Variants in DTNA observed in about 807,000 individuals in gnomAD.
DTNA encodes the protein dystrobrevin alpha.
DTNA carries 43 observed loss-of-function variants against 100.7 expected under a neutral mutation model. The ratio of observed to expected loss-of-function variants is 0.43; its 90% CI spans 0.33 to 0.55. The LOEUF is 0.55. DTNA is among the 20% of genes least tolerant of loss of function. DTNA has a pLI of 0.04. For synonymous variants in DTNA, 349 were observed against 347.9 expected (o/e 1.00, Z -0.04); for missense variants, 798 against 953.9 (o/e 0.84, Z 2.15).
rs1294206873 is a variant in DTNA at position 34,890,254 on chromosome 18, C to T, written c.*2520C>T. 5 of 1,518,656 alleles carry T rather than the reference C, an allele frequency of 3.3e-6. No homozygotes were observed. Among genetic ancestry groups the T allele is most frequent in the Non-Finnish European group, 3.5e-6 (4 of 1,136,976 alleles). The allele number at this position is 1,518,656 out of a possible 1,614,324, so 94.1% of individuals were successfully genotyped here. On this transcript the variant is annotated 3_prime_UTR_variant, in exon 23 of 23. Transcript: ENST00000444659. ...ATTGCAAGGACTCTGGAAACTGCCG[C>T]CAATGACCAATTTCTGACTAACCAG...
intron 1 of DTNA, among the ~76,000 whole-genome samples, chr18:34,496,705 A>G (rs1390766240): frequency 6.6e-6 from 1 of 152,214 alleles, no homozygotes. Context: ...GATTACTTGT[A>G]AGTTGAGCTA....
At chr18:34,675,325 A>G (rs191395092) in intron 1 of DTNA, among the ~76,000 whole-genome samples, 2 of 152,174 alleles carry the variant, frequency 1.3e-5, no homozygotes, top group Admixed American at 6.6e-5. Flanking sequence ...CCACTGGACA[A>G]AAGTCATACC....
At chr18:34,818,570 G>T in intron 8 of DTNA, 3 of 1,378,946 alleles carry the variant, frequency 2.2e-6, no homozygotes, top group Non-Finnish European at 2.8e-6. Context: ...GTTACTTCTT[G>T]GAATATAGAT....
chr18:34,685,061 T>C (rs1374277012), intron 1 of DTNA, among the ~76,000 whole-genome samples: 2 of 152,224 alleles, frequency 1.3e-5, no homozygotes, highest in African/African-American at 4.8e-5. Context: ...GTCAGATGGA[T>C]AGATTGCAAA....
chr18:34,535,106 C>T (rs796081133), intron 1 of DTNA, among the ~76,000 whole-genome samples: 27 of 152,270 alleles, frequency 1.8e-4, no homozygotes, highest in African/African-American at 6.5e-4. Context: ...TACACTCCCA[C>T]CAACAGTGTA....
intron 1 of DTNA, among the ~76,000 whole-genome samples, chr18:34,702,585 C>G (rs1464496490): frequency 1.3e-5 from 2 of 152,148 alleles, no homozygotes; most frequent in African/African-American, 4.8e-5. Flanking sequence ...ATCCCCACGT[C>G]CAGAACCTCA....
chr18:34,508,347 A>G (rs1235951227), intron 1 of DTNA, among the ~76,000 whole-genome samples: 1 of 152,078 alleles, frequency 6.6e-6, no homozygotes, highest in East Asian at 1.9e-4. Flanking sequence ...CAAATTAATC[A>G]TTGTCATTAC....
chr18:34,664,767 A>G (rs1203258929), intron 1 of DTNA, among the ~76,000 whole-genome samples: 1 of 152,138 alleles, frequency 6.6e-6, no homozygotes, highest in Non-Finnish European at 1.5e-5. Context: ...GAATTTATAA[A>G]TAAATATTTT....
Position 34,832,270 on chromosome 18 carries a change from A to G in DTNA, c.1175+2781A>G, listed in dbSNP as rs372453457. Among the ~76,000 whole-genome samples the G allele has an allele frequency of 5.3e-5, 8 of 152,332 alleles. No homozygotes were observed. In the East Asian group the frequency reaches 5.8e-4, roughly 11 times the overall value. ...TTTTCAAACTTTCTGGGCATGTTGT[A>G]TGAAATTTTATGAAGTTGAAATAAT... On this transcript the variant is annotated intron_variant, in intron 11 of 22. Coordinates refer to ENST00000444659, the MANE Select transcript of DTNA (RefSeq NM_001386795.1).
intron 15 of DTNA, among the ~76,000 whole-genome samples, chr18:34,857,378 C>T (rs975847225): frequency 3.3e-5 from 5 of 152,186 alleles, no homozygotes; most frequent in South Asian, 2.1e-4. Flanking sequence ...TGCTTTGCTC[C>T]GTCTTACTGG....
At chr18:34,547,303 T>G (rs752556510) in intron 1 of DTNA, among the ~76,000 whole-genome samples, 2 of 152,108 alleles carry the variant, frequency 1.3e-5, no homozygotes, top group African/African-American at 2.4e-5. Flanking sequence ...TTTCTAACTC[T>G]TTATGCCAGG....
At chr18:34,590,466 G>A (rs538526889) in intron 1 of DTNA, among the ~76,000 whole-genome samples, 6 of 152,206 alleles carry the variant, frequency 3.9e-5, no homozygotes, top group African/African-American at 1.4e-4. Context: ...ATTTATTAGG[G>A]AGGAAAAAAA....
chr18:34,659,458 T>C (rs1420372505), intron 1 of DTNA, among the ~76,000 whole-genome samples: 1 of 152,188 alleles, frequency 6.6e-6, no homozygotes, highest in African/African-American at 2.4e-5. Flanking sequence ...CAATGACTAC[T>C]GGACTGTACA....
intron 4 of DTNA, among the ~76,000 whole-genome samples, chr18:34,801,485 C>T (rs1488471499): frequency 6.6e-6 from 1 of 150,456 alleles, no homozygotes; most frequent in Admixed American, 6.6e-5. Flanking sequence ...AAACAAAATA[C>T]TATTATTTTA....
chr18:34,772,747 A>G (rs2093844354), intron 3 of DTNA, among the ~76,000 whole-genome samples: 1 of 152,248 alleles, frequency 6.6e-6, no homozygotes, highest in Admixed American at 6.5e-5. Flanking sequence ...AGCTTAAAGA[A>G]GCACACATTT....
At chr18:34,736,553 G>A (rs2147538829) in intron 1 of DTNA, among the ~76,000 whole-genome samples, 1 of 152,246 alleles carries the variant, frequency 6.6e-6, no homozygotes, top group Non-Finnish European at 1.5e-5. Flanking sequence ...AAAACTAGTA[G>A]GGTGGACAGC....
chr18:34,831,497 G>T (rs959180384), intron 11 of DTNA, among the ~76,000 whole-genome samples: 2 of 152,220 alleles, frequency 1.3e-5, no homozygotes, highest in African/African-American at 4.8e-5. Context: ...GCCGGGCAAG[G>T]TGGCTCACGC....
intron 1 of DTNA, among the ~76,000 whole-genome samples, chr18:34,508,702 C>T (rs1019333918): frequency 6.6e-5 from 10 of 152,166 alleles, no homozygotes; most frequent in Non-Finnish European, 1.3e-4. Context: ...ACACTTTCAA[C>T]TAGCAATTTG....
chr18:34,864,374 C>A (rs935677872), intron 17 of DTNA, among the ~76,000 whole-genome samples: 1 of 152,002 alleles, frequency 6.6e-6, no homozygotes, highest in Non-Finnish European at 1.5e-5. Context: ...CCTCAGCCCC[C>A]CGCCGAGTAG....
Sources: gnomAD v4.1 joint callset for allele counts (sites outside exome capture counted in the v4.1 genomes callset) on GRCh38, gnomAD v4.1.1 for gene constraint, MANE v1.5 for transcripts, NCBI Gene and HGNC (gene_info 2026-07-23, HGNC 2026-07-21) for gene names.